PPP6R2: variants seen among roughly 807,000 people sequenced by gnomAD.
The protein encoded by PPP6R2 is protein phosphatase 6 regulatory subunit 2.
In PPP6R2, 62 loss-of-function variants were observed where a neutral mutation model predicts 100.2. The ratio of observed to expected loss-of-function variants is 0.62; its 90% CI spans 0.50 to 0.76. The LOEUF is 0.76. Among genes scored for constraint, PPP6R2 ranks in the 30% least tolerant of loss-of-function variants. The probability of loss-of-function intolerance (pLI) is 0.00; values close to 1 mark genes in which losing one functional copy is unlikely to be tolerated. For synonymous variants in PPP6R2, 525 were observed against 514.7 expected, an observed-to-expected ratio of 1.02 and a Z score of -0.27; for missense variants, 1,142 against 1,276.3, an observed-to-expected ratio of 0.89 and a Z score of 1.60.
Position 50,424,162 on chromosome 22 carries a change from G to A in PPP6R2, c.1125+548G>A, listed in dbSNP as rs376696287. ...GGCTGTGGGTGGCGGGCTCCTCTGC[G>A]GAGAGCATGAGGCTGCTCCCCTGAG... On this transcript the variant is annotated intron_variant, in intron 10 of 23. Transcript: ENST00000612753. Among the ~76,000 whole-genome samples the A allele has an allele frequency of 7.2e-5, 11 of 152,320 alleles. 1 individual carries two copies. In the South Asian group the frequency reaches 1.9e-3, roughly 26 times the overall value.
intron 1 of PPP6R2, among the ~76,000 whole-genome samples, chr22:50,370,489 A>T (rs9616956): frequency 1.3e-5 from 2 of 150,734 alleles, no homozygotes; most frequent in African/African-American, 4.9e-5. Flanking sequence ...GGGTTTCACT[A>T]TGTTGGCCAG....
At chr22:50,379,225 G>T (rs1250489637) in intron 2 of PPP6R2, among the ~76,000 whole-genome samples, 1 of 152,208 alleles carries the variant, frequency 6.6e-6, no homozygotes, top group Non-Finnish European at 1.5e-5. Flanking sequence ...GCCAGGCACA[G>T]TGATTCATGC....
intron 19 of PPP6R2, among the ~76,000 whole-genome samples, chr22:50,439,072 GCC>G: frequency 6.6e-6 from 1 of 152,256 alleles, no homozygotes; most frequent in East Asian, 1.9e-4. Flanking sequence ...CAGGCCTGAC[GCC>G]CTCCCCAGCA....
rs561186405 is a variant in PPP6R2, at chr22:50,423,537, A to G, written c.1048A>G (p.Met350Val). ...GNARLHGARL[M>V]AALLHTNTPS... ...TGCCCGTCTGCATGGCGCCCGCCTC[A>G]TGGCAGCACTGCTGCACACAAACAC... The change falls in exon 10 of 24, where the codon ATG becomes GTG. Residue 350 changes from methionine (M) to valine (V), a missense_variant. Physicochemically the swap from Met to Val is conservative, Grantham distance 21. This residue lies in a region of PPP6R2 where 592 missense variants were observed against 758.9 expected (regional missense o/e 0.78). Transcript: ENST00000612753. The surrounding 1 kb of genome is among the most constrained non-coding windows in gnomAD (Gnocchi z 4.8). The G allele has an allele frequency of 1.2e-6, 2 of 1,614,192 alleles. No individual in the cohort carries two copies. Among genetic ancestry groups the G allele is most frequent in the South Asian group, 1.1e-5 (1 of 91,086 alleles).
rs1021425854 is a variant in PPP6R2 at position 50,423,351 on chromosome 22, C to T, written c.973-111C>T. 32 of 1,378,076 alleles carry T rather than the reference C, an allele frequency of 2.3e-5. No homozygotes were observed. Among genetic ancestry groups the T allele is most frequent in the East Asian group, 4.7e-5 (2 of 42,662 alleles). The allele number at this position is 1,378,076 out of a possible 1,614,324, so 85.4% of individuals were successfully genotyped here. On this transcript the variant is annotated intron_variant, in intron 9 of 23. Transcript: ENST00000612753. This position sits in a 1 kb window ranked among gnomAD's most constrained non-coding sequence, Gnocchi z 4.8. Reference sequence around the variant, plus strand: ...CCTGAGGAACCCCCACCACATACCTCGCTACCCCAGGCTGGGTCCCAGCCT... The same window carrying T: ...CCTGAGGAACCCCCACCACATACCTTGCTACCCCAGGCTGGGTCCCAGCCT...
chr22:50,437,857 G>A lies in PPP6R2; in HGVS notation c.1796G>A (p.Arg599Lys). 1 of 1,553,448 alleles carries A rather than the reference G, an allele frequency of 6.4e-7. No homozygotes were observed. The highest frequency in any genetic ancestry group is 1.2e-5 in the South Asian group (1 of 84,400). Reference protein sequence around the residue: ...QDDNINAPFDRIAEINFNIDA... With the variant: ...QDDNINAPFDKIAEINFNIDA... Reference sequence around the variant, plus strand: ...TGCTCTTGCAGTGCCCCGTTTGACAGGATCGCAGAGATCAACTTCAACATC... The same window carrying A: ...TGCTCTTGCAGTGCCCCGTTTGACAAGATCGCAGAGATCAACTTCAACATC... The change falls in exon 17 of 24, where the codon AGG becomes AAG. Residue 599 changes from arginine to lysine, a missense_variant. Transcript: ENST00000612753.
intron 4 of PPP6R2, among the ~76,000 whole-genome samples, chr22:50,411,422 C>G (rs1191765616): frequency 6.6e-6 from 1 of 151,872 alleles, no homozygotes; most frequent in African/African-American, 2.4e-5. Flanking sequence ...CCACTGCACT[C>G]CAGCCTAGGT....
intron 10 of PPP6R2, among the ~76,000 whole-genome samples, chr22:50,429,136 T>A (rs957198629): frequency 6.6e-6 from 1 of 152,138 alleles, no homozygotes; most frequent in Non-Finnish European, 1.5e-5. Context: ...GCTCAGGCGA[T>A]TCTCCTGCCT....
chr22:50,427,599 C>T (rs963357912), intron 10 of PPP6R2, among the ~76,000 whole-genome samples: 1 of 152,222 alleles, frequency 6.6e-6, no homozygotes, highest in African/African-American at 2.4e-5. Context: ...GTTGCCCAGG[C>T]TGGAGTGCAG....
chr22:50,354,868 C>CTTTTTTTT lies in PPP6R2; in HGVS notation c.-148+11329_-148+11336dup, dbSNP rs762678639. On this transcript the variant is annotated intron_variant, in intron 1 of 23. Coordinates refer to ENST00000612753, the MANE Select transcript of PPP6R2 (RefSeq NM_001242898.2). Reference sequence around the variant, plus strand: ...TAAAAGCTGCTGCACCTGGATCAGCCTTTTTTTTTTTTTTTTTTGAGACAG... The same window carrying CTTTTTTTT: ...TAAAAGCTGCTGCACCTGGATCAGCCTTTTTTTTTTTTTTTTTTTTTTTTTTGAGACAG... 4.0e-5 allele frequency among the ~76,000 whole-genome samples: 5 copies of CTTTTTTTT among 126,354 alleles called. 1 individual carries two copies. Among genetic ancestry groups the CTTTTTTTT allele is most frequent in the African/African-American group, 2.9e-5 (1 of 33,926 alleles). 82.9% of individuals were successfully genotyped at this position (126,354 alleles called of 152,430 possible).
At chr22:50,359,160 C>CA (rs2148295108) in intron 1 of PPP6R2, among the ~76,000 whole-genome samples, 1 of 151,854 alleles carries the variant, frequency 6.6e-6, no homozygotes, top group Non-Finnish European at 1.5e-5. Context: ...CCACCACGCC[C>CA]AGCTAATGTT....
chr22:50,421,283 G>A (rs1448744346), intron 8 of PPP6R2, among the ~76,000 whole-genome samples: 1 of 152,206 alleles, frequency 6.6e-6, no homozygotes, highest in East Asian at 1.9e-4. Context: ...TGATAGAGGG[G>A]ACTGTGTAAA....
chr22:50,403,978 C>A (rs757072436), intron 3 of PPP6R2, among the ~76,000 whole-genome samples: 3 of 152,214 alleles, frequency 2.0e-5, no homozygotes, highest in Non-Finnish European at 4.4e-5. Flanking sequence ...GGCTGCCTCT[C>A]TACCTGGCGG....
Position 50,418,902 on chromosome 22 carries a change from A to C in PPP6R2, c.654A>C (p.Ile218=), listed in dbSNP as rs974346380. Reference sequence around the variant, plus strand: ...ATGCTTCTCAGACTCTCTGTGACATAGTTAGGCTGGGCAGAGACCAGGGCA... The same window carrying C: ...ATGCTTCTCAGACTCTCTGTGACATCGTTAGGCTGGGCAGAGACCAGGGCA... ...QSNASQTLCD[I]VRLGRDQGSQ... Residue 218 remains isoleucine (I), a synonymous_variant, in exon 7 of 24, where the codon ATA becomes ATC. Transcript: ENST00000612753. 6 of 1,613,700 alleles carry C rather than the reference A, an allele frequency of 3.7e-6. No individual in the cohort carries two copies. The highest frequency in any genetic ancestry group is 1.6e-4 in the Middle Eastern group (1 of 6,078).
At chr22:50,373,848 G>C (rs991695962) in intron 2 of PPP6R2, among the ~76,000 whole-genome samples, 13 of 151,552 alleles carry the variant, frequency 8.6e-5, no homozygotes, top group East Asian at 3.9e-4. Flanking sequence ...AATTTCCTGC[G>C]TCAGCCTCCC....
At chr22:50,427,962 C>T (rs934056283) in intron 10 of PPP6R2, among the ~76,000 whole-genome samples, 19 of 150,498 alleles carry the variant, frequency 1.3e-4, no homozygotes, top group Non-Finnish European at 2.2e-4. Context: ...CCTCGTGATC[C>T]GCCCACCTTG....
At chr22:50,390,623 C>T (rs1318070837) in intron 2 of PPP6R2, among the ~76,000 whole-genome samples, 1 of 151,920 alleles carries the variant, frequency 6.6e-6, no homozygotes, top group Non-Finnish European at 1.5e-5. Flanking sequence ...TGCACCATTG[C>T]ACTCCATCCT....
chr22:50,429,132 G>T lies in PPP6R2; in HGVS notation c.1126-2041G>T, dbSNP rs931329889. 5.9e-5 allele frequency among the ~76,000 whole-genome samples: 9 copies of T among 152,128 alleles called. No individual in the cohort carries two copies. The East Asian group carries it at 1.7e-3, about 29-fold the overall frequency. ...GGCAACCGCCGCCTCCTGGGCTCAG[G>T]CGATTCTCCTGCCTCAGCCTCCCAA... On this transcript the variant is annotated intron_variant, in intron 10 of 23. Coordinates refer to ENST00000612753, the MANE Select transcript of PPP6R2 (RefSeq NM_001242898.2).
chr22:50,336,105 C>T, the PPP6R2 span, among the ~76,000 whole-genome samples: 1 of 151,910 alleles, frequency 6.6e-6, no homozygotes, highest in Non-Finnish European at 1.5e-5. Flanking sequence ...CCACCTCAGC[C>T]TCCTGAGTAG....
Sources: gnomAD v4.1 joint callset for allele counts (sites outside exome capture counted in the v4.1 genomes callset) on GRCh38, gnomAD v4.1.1 for gene constraint, gnomAD v4.1.1 regional missense constraint, Gnocchi (gnomAD v3.1) non-coding constraint, MANE v1.5 for transcripts, NCBI Gene and HGNC (gene_info 2026-07-23, HGNC 2026-07-21) for gene names.